Variants in L3MBTL3 observed in about 807,000 individuals in gnomAD.
L3MBTL3 encodes the protein L3MBTL histone methyl-lysine binding protein 3, also known as lethal(3)malignant brain tumor-like protein 3.
L3MBTL3 carries 27 observed loss-of-function variants against 102.3 expected under a neutral mutation model. That is an observed-to-expected ratio of 0.26 (90% CI 0.19 to 0.36). The LOEUF is 0.36. L3MBTL3 is among the 10% of genes least tolerant of loss of function. L3MBTL3 has a pLI of 1.00. For missense variants in L3MBTL3, 798 were observed against 955.3 expected, an observed-to-expected ratio of 0.84 and a Z score of 2.17; for synonymous variants, 340 against 320.9, an observed-to-expected ratio of 1.06 and a Z score of -0.64.
At chr6:130,064,217 A>T (rs549110538) in intron 10 of L3MBTL3, among the ~76,000 whole-genome samples, 1 of 152,184 alleles carries the variant, frequency 6.6e-6, no homozygotes, top group African/African-American at 2.4e-5. Context: ...TGGCAAGAAA[A>T]TGTTTTTTAA....
intron 9 of L3MBTL3, 50 bp downstream of exon 9, chr6:130,057,547 A>G: frequency 1.5e-6 from 2 of 1,359,514 alleles, no homozygotes; most frequent in South Asian, 1.3e-5. Flanking sequence ...GAGCTGGGAT[A>G]CCAGCCTGAA....
At chr6:130,101,171 G>T (rs915946969) in intron 18 of L3MBTL3, among the ~76,000 whole-genome samples, 1 of 152,172 alleles carries the variant, frequency 6.6e-6, no homozygotes. Flanking sequence ...GTCAAAGATG[G>T]TGAAGACCTG....
At chr6:130,074,474 C>A (rs1326834550) in intron 13 of L3MBTL3, among the ~76,000 whole-genome samples, 7 of 152,120 alleles carry the variant, frequency 4.6e-5, no homozygotes, top group Admixed American at 3.3e-4. Context: ...AGAATATTGC[C>A]ACTAGAAAGA....
chr6:130,037,310 G>A (rs1342229410), intron 2 of L3MBTL3, among the ~76,000 whole-genome samples: 2 of 152,060 alleles, frequency 1.3e-5, no homozygotes, highest in African/African-American at 4.8e-5. Context: ...TAATGGAAAT[G>A]GTTATCTAGA....
At chr6:130,019,925 TGCCGC>T (rs1379598586) in intron 1 of L3MBTL3, among the ~76,000 whole-genome samples, 3 of 133,270 alleles carry the variant, frequency 2.3e-5, no homozygotes, top group African/African-American at 8.2e-5. Flanking sequence ...CCCCGCGCCG[TGCCGC>T]GCCGCGCCGG....
At chr6:130,086,113 A>C (rs770447018) in intron 15 of L3MBTL3, 27 bp from the exon 16 acceptor site, 3 of 1,433,426 alleles carry the variant, frequency 2.1e-6, no homozygotes, top group Non-Finnish European at 2.9e-6. Context: ...TCTTTATCTC[A>C]CTCTGTAAAA....
intron 16 of L3MBTL3, among the ~76,000 whole-genome samples, chr6:130,090,947 G>A (rs1784003035): frequency 6.6e-6 from 1 of 151,994 alleles, no homozygotes; most frequent in Admixed American, 6.6e-5. Context: ...TGGATAATGA[G>A]CTATTTGCCT....
intron 2 of L3MBTL3, among the ~76,000 whole-genome samples, chr6:130,025,160 G>A (rs1779267387): frequency 6.6e-6 from 1 of 152,146 alleles, no homozygotes; most frequent in African/African-American, 2.4e-5. Context: ...CACTATTGAG[G>A]GATTTGTTCC....
chr6:130,082,079 T>C (rs1275744751), intron 14 of L3MBTL3, among the ~76,000 whole-genome samples: 1 of 152,200 alleles, frequency 6.6e-6, no homozygotes, highest in African/African-American at 2.4e-5. Flanking sequence ...TTTCCTTCTC[T>C]CAGGTGGCTC....
intron 18 of L3MBTL3, among the ~76,000 whole-genome samples, chr6:130,099,291 C>T (rs1562310063): frequency 6.6e-6 from 1 of 152,110 alleles, no homozygotes; most frequent in Non-Finnish European, 1.5e-5. Context: ...AAGAGTTGTA[C>T]ATATACATGT....
intron 22 of L3MBTL3, among the ~76,000 whole-genome samples, chr6:130,138,688 G>T (rs1366054493): frequency 6.6e-6 from 1 of 152,074 alleles, no homozygotes; most frequent in African/African-American, 2.4e-5. Flanking sequence ...GTGCGTTGCT[G>T]TCAAGGTTTC....
At chr6:130,057,554 T>C in intron 9 of L3MBTL3, 57 bp downstream of exon 9, 1 of 1,288,006 alleles carries the variant, frequency 7.8e-7, no homozygotes, top group Non-Finnish European at 1.1e-6. Context: ...GATACCAGCC[T>C]GAATTACGAT....
intron 9 of L3MBTL3, among the ~76,000 whole-genome samples, chr6:130,058,091 C>T (rs984663149): frequency 1.4e-4 from 19 of 137,362 alleles, no homozygotes; most frequent in Admixed American, 1.0e-3. Context: ...TGCAGTGAGC[C>T]GAGATTGCGC....
chr6:130,094,431 A>G (rs1784239644), intron 18 of L3MBTL3, 64 bp downstream of exon 18: 2 of 951,576 alleles, frequency 2.1e-6, no homozygotes, highest in African/African-American at 3.3e-5. Context: ...ATATATAATG[A>G]ATTTCATATA....
chr6:130,077,428 A>G (rs1445743770), intron 13 of L3MBTL3, among the ~76,000 whole-genome samples: 2 of 152,188 alleles, frequency 1.3e-5, no homozygotes, highest in African/African-American at 4.8e-5. Flanking sequence ...ATGACCAGAA[A>G]AATAGTTTGT....
At chr6:130,046,763 A>G (rs1378045784) in intron 3 of L3MBTL3, among the ~76,000 whole-genome samples, 1 of 152,230 alleles carries the variant, frequency 6.6e-6, no homozygotes, top group East Asian at 1.9e-4. Context: ...TGATTTAAAG[A>G]AATATAAACA....
intron 18 of L3MBTL3, among the ~76,000 whole-genome samples, 174 bp from the exon 19 acceptor site, chr6:130,104,251 GT>G (rs1239952120): frequency 6.6e-6 from 1 of 152,024 alleles, no homozygotes; most frequent in African/African-American, 2.4e-5. Context: ...GTATATATTT[GT>G]TATGTTTTAA....
rs542196355 is a variant in L3MBTL3, at chr6:130,114,396, G to A, written c.1887-6483G>A. 2.6e-5 allele frequency among the ~76,000 whole-genome samples: 4 copies of A among 152,304 alleles called. No individual in the cohort carries two copies. In the East Asian group the frequency reaches 7.7e-4, roughly 29 times the overall value. ...CCCTTTTCTGTAGAGTAGAAAAGCG[G>A]TGACATCTGTTCTCTTTTCCACAAC... On this transcript the variant is annotated intron_variant, in intron 19 of 22. Coordinates refer to ENST00000361794, the MANE Select transcript of L3MBTL3 (RefSeq NM_032438.4).
rs1784243019 is a variant in L3MBTL3, at chr6:130,094,496, C to T, written c.1736+129C>T. On this transcript the variant is annotated intron_variant, in intron 18 of 22. Transcript: ENST00000361794. ...TCAGATCCATAAGAAATGTGGTTAC[C>T]ATGGTGATCATGTAAAAATGAAGGG... 5 of 471,470 alleles carry T rather than the reference C, an allele frequency of 1.1e-5. No homozygotes were observed. In the East Asian group the frequency reaches 1.7e-4, roughly 16 times the overall value. 29.2% of individuals were successfully genotyped at this position (471,470 alleles called of 1,614,324 possible).
Sources: allele counts gnomAD v4.1 joint callset (sites outside exome capture counted in the v4.1 genomes callset), GRCh38; gene constraint gnomAD v4.1.1; transcripts MANE v1.5; gene names NCBI Gene and HGNC (gene_info 2026-07-23, HGNC 2026-07-21).